GIPC1: variants seen among roughly 807,000 people sequenced by gnomAD.
GIPC1 encodes PDZ domain-containing protein GIPC1.
Under a neutral mutation model 28.5 loss-of-function variants are expected in GIPC1, and 15 were observed. The observed-to-expected ratio is 0.53, with a 90% CI of 0.35 to 0.81. The LOEUF (loss-of-function observed/expected upper bound fraction) is 0.81. Ranked by LOEUF, GIPC1 falls within the 30% of genes least tolerant of loss-of-function variation. The probability of loss-of-function intolerance (pLI) is 0.01; values close to 1 mark genes in which losing one functional copy is unlikely to be tolerated. For synonymous variants in GIPC1, 224 were observed against 206.1 expected (o/e 1.09, Z -0.74); for missense variants, 439 against 481.9 (o/e 0.91, Z 0.83).
intron 3 of GIPC1, among the ~76,000 whole-genome samples, chr19:14,487,673 T>G (rs2071876888): frequency 7.5e-6 from 1 of 132,928 alleles, no homozygotes. Context: ...ATAAATTTTT[T>G]CCTTTATTTT....
chr19:14,484,320 G>A (rs1226170563), intron 3 of GIPC1, among the ~76,000 whole-genome samples: 1 of 151,728 alleles, frequency 6.6e-6, no homozygotes, highest in Non-Finnish European at 1.5e-5. Flanking sequence ...ATTTTTGGTA[G>A]AGATGGGGTT....
intron 3 of GIPC1, among the ~76,000 whole-genome samples, chr19:14,489,054 T>A (rs535526398): frequency 6.6e-6 from 1 of 151,912 alleles, no homozygotes; most frequent in Non-Finnish European, 1.5e-5. Flanking sequence ...ACCTCCTGAA[T>A]AGCTGAGACT....
At chr19:14,479,914 AT>A (rs1393408339) in intron 6 of GIPC1, 2 of 411,522 alleles carry the variant, frequency 4.9e-6, no homozygotes, top group Non-Finnish European at 8.8e-6. Context: ...CAGGGAAGTG[AT>A]TTAGTCCCCC....
Position 14,480,354 on chromosome 19 carries a change from G to A in GIPC1, c.606C>T (p.Pro202=). Residue 202 remains proline, a synonymous_variant, in exon 6 of 9, where the codon CCC becomes CCT. Transcript: ENST00000393033. ...YEVARLLKEL[P]RGRTFTLKLT... The stretch of plus-strand genomic sequence containing the variant: ...GCTTCAGCGTGAAGGTACGGCCTCG[G>A]GGCAGCTCCTTGAGCAGCCGGGCCA... 6.2e-7 allele frequency: 1 copy of A among 1,612,074 alleles called. No homozygotes were observed. Among genetic ancestry groups the A allele is most frequent in the South Asian group, 1.1e-5 (1 of 91,010 alleles).
chr19:14,482,227 GAT>G, intron 4 of GIPC1: 1 of 195,790 alleles, frequency 5.1e-6, no homozygotes, highest in African/African-American at 2.4e-5. Flanking sequence ...AATCGACTGG[GAT>G]GCAGGCCTCT....
At position 14,482,846 on chromosome 19, in the gene GIPC1, TG is replaced by T. The variant is rs1340236586; in HGVS notation, c.130del (p.Gln44LysfsTer54). 1 of 1,574,204 alleles carries T rather than the reference TG, an allele frequency of 6.4e-7. No homozygotes were observed. The highest frequency in any genetic ancestry group is 1.1e-5 in the South Asian group (1 of 87,400). ...PLGGGGSGGP[Q>X]MGLPPPPPAL... is the part of the protein sequence containing the mutation. ...TGGGGGAGGGGGGGGCAAGCCCATTTGGGGGCCCCCCGACCCACCTCCGCCC... is the reference window on the plus strand; with the variant it reads ...TGGGGGAGGGGGGGGCAAGCCCATTTGGGGCCCCCCGACCCACCTCCGCCC... On this transcript the variant is annotated frameshift_variant, in exon 4 of 9. Coordinates refer to ENST00000393033, the MANE Select transcript of GIPC1 (RefSeq NM_005716.4). LOFTEE classifies it high-confidence loss of function.
intron 3 of GIPC1, among the ~76,000 whole-genome samples, chr19:14,490,377 A>C (rs571312055): frequency 6.7e-6 from 1 of 149,320 alleles, no homozygotes; most frequent in Admixed American, 6.7e-5. Flanking sequence ...AAAAGAAAAA[A>C]AAGAAAATAC....
In GIPC1 at chr19:14,480,374, G is replaced by A. The variant is rs776655926; in HGVS notation, c.586C>T (p.Arg196Trp). Residue 196 changes from arginine (R) to tryptophan (W), a missense_variant, in exon 6 of 9, where the codon CGG (arginine) becomes TGG (tryptophan). By Grantham distance (101) the Arg-to-Trp change is moderately radical. Transcript: ENST00000393033. ...CCTCGGGGCAGCTCCTTGAGCAGCC[G>A]GGCCACCTCGTAGTGCCGGCAGCCC... ...LLGCRHYEVA[R>W]LLKELPRGRT... 7.0e-5 allele frequency: 113 copies of A among 1,612,516 alleles called. No homozygotes were observed. The highest frequency in any genetic ancestry group is 9.2e-5 in the Non-Finnish European group (108 of 1,179,842).
In GIPC1 at chr19:14,480,638, G is replaced by T; in HGVS notation, c.429C>A (p.Leu143=). The part of the protein sequence containing the change: ...EVEVFKSEDA[L]GLTITDNGAG... ...CCCCGTTGTCCGTGATGGTGAGCCC[G>T]AGTGCATCCTCCGACTTGAACACCT... Residue 143 remains leucine, a synonymous_variant, in exon 5 of 9, where the codon CTC becomes CTA. Transcript: ENST00000393033. The T allele has an allele frequency of 6.2e-7, 1 of 1,614,200 alleles. No homozygotes were observed. The highest frequency in any genetic ancestry group is 1.1e-5 in the South Asian group (1 of 91,086).
At chr19:14,495,128 AG>A (rs2072048477) in intron 1 of GIPC1, among the ~76,000 whole-genome samples, 1 of 152,126 alleles carries the variant, frequency 6.6e-6, no homozygotes, top group African/African-American at 2.4e-5. Flanking sequence ...CCAGGTTGCC[AG>A]GGGGGAACCC....
Position 14,482,694 on chromosome 19 carries a change from C to T in GIPC1, c.283G>A (p.Ala95Thr). 6.2e-7 allele frequency: 1 copy of T among 1,611,344 alleles called. No homozygotes were observed. The highest frequency in any genetic ancestry group is 8.5e-7 in the Non-Finnish European group (1 of 1,179,872). The change falls in exon 4 of 9, where the codon GCC becomes ACC. Residue 95 changes from alanine (A) to threonine (T), a missense_variant. Coordinates refer to ENST00000393033, the MANE Select transcript of GIPC1 (RefSeq NM_005716.4). The part of the protein sequence containing the change: ...KIAEAFRLPT[A>T]EVMFCTLNTH... ...CCCGGCTCCCCAGTGGATACCTCGG[C>T]AGTTGGCAGGCGGAAGGCCTCGGCG...
chr19:14,479,988 G>T (rs901855606), intron 6 of GIPC1: 2 of 505,062 alleles, frequency 4.0e-6, no homozygotes, highest in East Asian at 3.5e-5. Flanking sequence ...GGAAAAGTGG[G>T]GGGGCTGGCA....
intron 3 of GIPC1, among the ~76,000 whole-genome samples, chr19:14,484,445 C>T (rs2071794937): frequency 1.3e-5 from 2 of 151,318 alleles, no homozygotes; most frequent in African/African-American, 2.4e-5. Context: ...GCTCAGCTGA[C>T]GTTTTAAAAC....
Position 14,496,105 on chromosome 19 carries a change from C to A in GIPC1, c.-243G>T. ...TCCGCCTCCCCGTGCGCACCCGGCTCGGCCCTCCGCAAACTCCAGACCGGG... is the reference window on the plus strand; with the variant it reads ...TCCGCCTCCCCGTGCGCACCCGGCTAGGCCCTCCGCAAACTCCAGACCGGG... On this transcript the variant is annotated 5_prime_UTR_variant, in exon 1 of 9. Coordinates refer to ENST00000393033, the MANE Select transcript of GIPC1 (RefSeq NM_005716.4). The A allele has an allele frequency of 9.2e-6, 2 of 217,174 alleles. No individual in the cohort carries two copies. The highest frequency in any genetic ancestry group is 1.7e-5 in the Non-Finnish European group (2 of 114,552). 13.5% of individuals were successfully genotyped at this position (217,174 alleles called of 1,614,324 possible). A position where few individuals can be genotyped will look rare whatever the true frequency, so the allele number is the denominator to read the frequency against.
chr19:14,490,902 G>A (rs1397407593), intron 3 of GIPC1, among the ~76,000 whole-genome samples: 1 of 150,854 alleles, frequency 6.6e-6, no homozygotes, highest in East Asian at 2.0e-4. Context: ...GTGAACTCGG[G>A]AGGCGGAGCT....
rs34048955 is a variant in GIPC1 at position 14,487,685 on chromosome 19, C to CTTTTTTTTTTTTTTT, written c.-31+3970_-31+3971insAAAAAAAAAAAAAAA. ...AATATAAATTTTTTCCTTTATTTTC[C>CTTTTTTTTTTTTTTT]TTTTTTTTTTTGACAGAGTCTTGCT... On this transcript the variant is annotated intron_variant, in intron 3 of 8. Transcript: ENST00000393033. Among the ~76,000 whole-genome samples, 10 of 130,500 alleles carry CTTTTTTTTTTTTTTT rather than the reference C, an allele frequency of 7.7e-5. 1 individual carries two copies. The highest frequency in any genetic ancestry group is 2.1e-4 in the African/African-American group (7 of 32,802). The allele number at this position is 130,500 out of a possible 152,430, so 85.6% of individuals were successfully genotyped here.
At chr19:14,482,512 T>A in intron 4 of GIPC1, 177 bp downstream of exon 4, 1 of 648,206 alleles carries the variant, frequency 1.5e-6, no homozygotes, top group South Asian at 1.9e-5. Context: ...GGCACAAGCC[T>A]CCCAGTGCCT....
intron 1 of GIPC1, among the ~76,000 whole-genome samples, chr19:14,494,477 G>T (rs1253869413): frequency 2.0e-5 from 3 of 152,218 alleles, no homozygotes; most frequent in South Asian, 2.1e-4. Context: ...ATTCATAGCA[G>T]TTAGTGCCAT....
At chr19:14,482,661 C>G in intron 4 of GIPC1, 28 bp downstream of exon 4, 1 of 1,605,784 alleles carries the variant, frequency 6.2e-7, no homozygotes, top group Non-Finnish European at 8.5e-7. Context: ...CCATCAGGGA[C>G]CCTGGTGCCC....
Sources: gnomAD v4.1 joint callset for allele counts (sites outside exome capture counted in the v4.1 genomes callset) on GRCh38, gnomAD v4.1.1 for gene constraint, MANE v1.5 for transcripts, NCBI Gene and HGNC (gene_info 2026-07-23, HGNC 2026-07-21) for gene names.